The following CEP44 variants were observed in gnomAD, a reference collection of about 807,000 sequenced individuals.
CEP44 encodes centrosomal protein 44.
CEP44 carries 45 observed loss-of-function variants against 46.7 expected under a neutral mutation model. The ratio of observed to expected loss-of-function variants is 0.96; its 90% CI spans 0.76 to 1.24. The LOEUF is 1.24. Ranked by LOEUF, CEP44 falls within the 50% of genes most tolerant of loss-of-function variation. CEP44 has a pLI of 0.00. For synonymous variants in CEP44, 142 were observed against 146.0 expected, an observed-to-expected ratio of 0.97 and a Z score of 0.20; for missense variants, 475 against 459.7, an observed-to-expected ratio of 1.03 and a Z score of -0.30.
intron 1 of CEP44, among the ~76,000 whole-genome samples, chr4:174,295,541 CG>C: frequency 7.2e-6 from 1 of 139,684 alleles, no homozygotes; most frequent in South Asian, 2.4e-4. Context: ...ACGTCCCAGA[CG>C]ATGGGCGGCC....
chr4:174,322,221 C>T (rs759699142), downstream of CEP44, among the ~76,000 whole-genome samples: 10 of 152,056 alleles, frequency 6.6e-5, no homozygotes, highest in South Asian at 2.1e-4. Context: ...CTCTCAATTT[C>T]GCACCATTTT....
chr4:174,322,778 A>G (rs566706570), downstream of CEP44, among the ~76,000 whole-genome samples: 4 of 152,188 alleles, frequency 2.6e-5, no homozygotes, highest in African/African-American at 7.2e-5. Context: ...TTTAAATTCA[A>G]TATCTGAAAT....
intron 6 of CEP44, among the ~76,000 whole-genome samples, chr4:174,305,906 A>T (rs1188093715): frequency 2.0e-5 from 3 of 152,188 alleles, no homozygotes; most frequent in Non-Finnish European, 4.4e-5. Context: ...TAAACTTCAA[A>T]ACATTAGACT....
chr4:174,305,762 TC>T (rs1740319100), intron 6 of CEP44, among the ~76,000 whole-genome samples: 1 of 152,194 alleles, frequency 6.6e-6, no homozygotes, highest in African/African-American at 2.4e-5. Context: ...TTTTGTACCT[TC>T]ATTTTGCTTA....
In CEP44 at chr4:174,288,706, C is replaced by T. The variant is rs890684411; in HGVS notation, c.-148+4763C>T. 6.6e-6 allele frequency among the ~76,000 whole-genome samples: 1 copy of T among 151,928 alleles called. No homozygotes were observed. The highest frequency in any genetic ancestry group is 2.4e-5 in the African/African-American group (1 of 41,366). ...ATGTCATCTGCAAACAGATATTGTA[C>T]CTCTTCTCTTTTTATTTGGATGTTT... On this transcript the variant is annotated intron_variant, in intron 1 of 11. Transcript: ENST00000503780. The surrounding 1 kb of genome is among the most constrained non-coding windows in gnomAD (Gnocchi z 4.6).
intron 11 of CEP44, 39 bp downstream of exon 11, chr4:174,316,606 A>G (rs373976050): frequency 7.2e-6 from 11 of 1,531,962 alleles, no homozygotes; most frequent in African/African-American, 4.1e-5. Flanking sequence ...TCATTTCTCT[A>G]TAGGGAATTG....
intron 1 of CEP44, among the ~76,000 whole-genome samples, chr4:174,295,377 A>C (rs963284828): frequency 6.7e-6 from 1 of 148,258 alleles, no homozygotes; most frequent in Non-Finnish European, 1.5e-5. Context: ...CGCTCCCCAC[A>C]TCTTAGACGA....
rs1004616401 is a variant in CEP44, at chr4:174,327,287, T to C, written c.1087-4195T>C. ...TTTATGTAGAAAATTATTAAACTTA[T>C]ATAAATTAAAAACAAAATATTAAAG... On this transcript the variant is annotated intron_variant, in intron 8 of 8. Coordinates refer to the CEP44 transcript ENST00000426172. 6.6e-5 allele frequency among the ~76,000 whole-genome samples: 10 copies of C among 151,518 alleles called. No homozygotes were observed. The East Asian group carries it at 1.4e-3, about 20-fold the overall frequency.
chr4:174,324,415 G>T (rs1360416962), downstream of CEP44, among the ~76,000 whole-genome samples: 1 of 152,100 alleles, frequency 6.6e-6, no homozygotes, highest in East Asian at 1.9e-4. Context: ...CTAGGAGTGG[G>T]ATGGCTGGGT....
Position 174,286,748 on chromosome 4 carries a change from T to C in CEP44, c.-148+2805T>C, listed in dbSNP as rs777062599. Among the ~76,000 whole-genome samples, 19 of 152,224 alleles carry C rather than the reference T, an allele frequency of 1.2e-4. No homozygotes were observed. Among genetic ancestry groups the C allele is most frequent in the Admixed American group, 6.5e-4 (10 of 15,282 alleles). On this transcript the variant is annotated intron_variant, in intron 1 of 11. Coordinates refer to ENST00000503780, the MANE Select transcript of CEP44 (RefSeq NM_001040157.3). This position sits in a 1 kb window ranked among gnomAD's most constrained non-coding sequence, Gnocchi z 5.2. ...ATTAGTCATTTAGAAATAAATTCCA[T>C]GCTATTACTTTTGGGGCAGTTTTTA...
rs1431405153 is a variant in CEP44, at chr4:174,301,289, A to G, written c.90-750A>G. On this transcript the variant is annotated intron_variant, in intron 3 of 11. Transcript: ENST00000503780. This position sits in a 1 kb window ranked among gnomAD's most constrained non-coding sequence, Gnocchi z 4.3. ...GTGGGAAAATCAGTGAAGGTACTTC[A>G]CATTGAGAAAATAAGACAGGAAACA... 6.6e-6 allele frequency among the ~76,000 whole-genome samples: 1 copy of G among 152,198 alleles called. No individual in the cohort carries two copies. The highest frequency in any genetic ancestry group is 1.5e-5 in the Non-Finnish European group (1 of 68,014).
At chr4:174,292,319 T>G (rs1738326951) in intron 1 of CEP44, among the ~76,000 whole-genome samples, 1 of 152,178 alleles carries the variant, frequency 6.6e-6, no homozygotes, top group African/African-American at 2.4e-5. Context: ...GACAAATTCA[T>G]TATAGTGTCT....
intron 1 of CEP44, among the ~76,000 whole-genome samples, chr4:174,284,860 T>C (rs1737393425): frequency 1.3e-5 from 2 of 152,258 alleles, no homozygotes; most frequent in Non-Finnish European, 2.9e-5. Flanking sequence ...TCGAGCATTA[T>C]GTGCTATGTC....
intron 6 of CEP44, among the ~76,000 whole-genome samples, chr4:174,305,742 T>C (rs1463534468): frequency 1.3e-5 from 2 of 152,194 alleles, no homozygotes; most frequent in African/African-American, 4.8e-5. Context: ...GGGATTTTCT[T>C]ATACTGATTT....
chr4:174,308,644 G>T, intron 6 of CEP44, 45 bp from the exon 7 acceptor site: 1 of 1,542,968 alleles, frequency 6.5e-7, no homozygotes, highest in Non-Finnish European at 8.8e-7. Flanking sequence ...AATAATTGTG[G>T]GAGGAAAACA....
Position 174,316,146 on chromosome 4 carries a change from A to C in CEP44, c.962-20A>C, listed in dbSNP as rs764553698. 1.9e-6 allele frequency: 3 copies of C among 1,607,796 alleles called. No individual in the cohort carries two copies. In the African/African-American group the frequency reaches 4.0e-5, roughly 22 times the overall value. ...CTTCTGTGAAAGGAAAAGGTAATCTAAAACTTAATTTCTTCACAGACAGAA... is the reference window on the plus strand; with the variant it reads ...CTTCTGTGAAAGGAAAAGGTAATCTCAAACTTAATTTCTTCACAGACAGAA... On this transcript the variant is annotated intron_variant, in intron 9 of 11. Coordinates refer to ENST00000503780, the MANE Select transcript of CEP44 (RefSeq NM_001040157.3).
intron 1 of CEP44, among the ~76,000 whole-genome samples, chr4:174,289,850 T>C (rs1045257649): frequency 7.2e-5 from 11 of 151,760 alleles, no homozygotes; most frequent in African/African-American, 2.4e-4. Flanking sequence ...TTTTTTTTTT[T>C]CTTTGAGACA....
At chr4:174,294,750 G>A (rs868153480) in intron 1 of CEP44, among the ~76,000 whole-genome samples, 3 of 142,248 alleles carry the variant, frequency 2.1e-5, no homozygotes, top group East Asian at 4.2e-4. Context: ...CCTGCTGGGC[G>A]GGGGGCTGAC....
Position 174,304,235 on chromosome 4 carries a change from CTT to C in CEP44, c.385-4_385-3del. On this transcript the variant is annotated splice_polypyrimidine_tract_variant and intron_variant, in intron 5 of 11. Transcript: ENST00000503780. The stretch of plus-strand genomic sequence containing the variant: ...CAAAATTTGTTATTTTGACTAATAC[CTT>C]TTTTTTTAGATTCCATCACAACAAA... 1 of 1,545,918 alleles carries C rather than the reference CTT, an allele frequency of 6.5e-7. No homozygotes were observed. The highest frequency in any genetic ancestry group is 8.7e-7 in the Non-Finnish European group (1 of 1,150,606).
Sources: allele counts gnomAD v4.1 joint callset (sites outside exome capture counted in the v4.1 genomes callset), GRCh38; gene constraint gnomAD v4.1.1; non-coding constraint Gnocchi (gnomAD v3.1); transcripts MANE v1.5; gene names NCBI Gene and HGNC (gene_info 2026-07-23, HGNC 2026-07-21).